Variants in NUTM2D observed in about 807,000 individuals in gnomAD.
NUTM2D encodes the protein NUT family member 2A pseudogene.
A neutral mutation model predicts 43.5 loss-of-function variants in NUTM2D; 2 were observed. The ratio of observed to expected loss-of-function variants is 0.05; its 90% CI spans 0.02 to 0.14. The LOEUF (loss-of-function observed/expected upper bound fraction) is 0.14, where lower values mean the gene tolerates loss of function less well. NUTM2D is among the 10% of genes least tolerant of loss of function. The pLI, the probability that NUTM2D is intolerant of heterozygous loss-of-function variation, is 1.00. For synonymous variants in NUTM2D, 24 were observed against 276.6 expected, an observed-to-expected ratio of 0.09 and a Z score of 9.06; for missense variants, 48 against 668.7, an observed-to-expected ratio of 0.07 and a Z score of 10.24.
At chr10:87,368,466 CT>C (rs1850325067), downstream of NUTM2D, 1 of 33,354 alleles carries the variant, frequency 3.0e-5, no homozygotes, top group African/African-American at 1.3e-4. Flanking sequence ...GGTCACGGCC[CT>C]GGGGGCTGGC....
At chr10:87,367,269 G>A (rs576471158), downstream of NUTM2D, 4 of 1,569,802 alleles carry the variant, frequency 2.5e-6, no homozygotes, top group South Asian at 3.4e-5. Flanking sequence ...GAGGGCAGAG[G>A]AACTGGCAGA....
downstream of NUTM2D, chr10:87,369,496 G>C (rs1397946193): frequency 6.6e-6 from 1 of 151,318 alleles, no homozygotes; most frequent in East Asian, 2.0e-4. Flanking sequence ...TATGTGACTA[G>C]GACAAAGTCC....
downstream of NUTM2D, chr10:87,370,146 C>CT (rs1850341442): frequency 6.6e-6 from 1 of 152,164 alleles, no homozygotes; most frequent in Admixed American, 6.5e-5. Flanking sequence ...TACATCAAAC[C>CT]TTTTTGTTGC....
At chr10:87,367,580 C>G, downstream of NUTM2D, 1 of 518,842 alleles carries the variant, frequency 1.9e-6, no homozygotes, top group Non-Finnish European at 3.4e-6. Context: ...CTGCTTAACC[C>G]TCATCAGGAA....
At chr10:87,365,253 T>C (rs1184571226) in intron 5 of NUTM2D, 50 bp downstream of exon 5, 1 of 1,516,956 alleles carries the variant, frequency 6.6e-7, no homozygotes, top group Non-Finnish European at 8.8e-7. Flanking sequence ...GGGGTGGCAC[T>C]CCCAGGTCCT....
downstream of NUTM2D, chr10:87,369,344 A>G (rs1242448330): frequency 6.6e-6 from 1 of 152,036 alleles, no homozygotes; most frequent in African/African-American, 2.4e-5. Flanking sequence ...GCCATCTGCA[A>G]GCCAGAGAGA....
chr10:87,358,675 C>T, intron 1 of NUTM2D, among the ~76,000 whole-genome samples: 1 of 133,868 alleles, frequency 7.5e-6, no homozygotes, highest in East Asian at 2.1e-4. Flanking sequence ...GGAGAAAGGA[C>T]AGAGTGGATG....
intron 5 of NUTM2D, 145 bp from the exon 6 acceptor site, chr10:87,365,540 GTGTC>G (rs1850287643): frequency 1.9e-6 from 1 of 534,310 alleles, no homozygotes; most frequent in Admixed American, 3.3e-5. Context: ...TCTGTGGTCT[GTGTC>G]TGTAGCTGGT....
chr10:87,364,797 C>T (rs1211505895), intron 4 of NUTM2D, 24 bp from the exon 5 acceptor site: 17 of 449,236 alleles, frequency 3.8e-5, no homozygotes, highest in East Asian at 2.2e-4. Context: ...TCACCACGCC[C>T]GTCCTCCTCC....
At chr10:87,369,583 T>G, downstream of NUTM2D, 1 of 152,120 alleles carries the variant, frequency 6.6e-6, no homozygotes, top group East Asian at 1.9e-4. Flanking sequence ...GGCTCAGCCC[T>G]TTACAACTGT....
chr10:87,365,314 G>C, intron 5 of NUTM2D, 111 bp downstream of exon 5: 2 of 1,573,920 alleles, frequency 1.3e-6, no homozygotes, highest in South Asian at 2.4e-5. Flanking sequence ...TATTTCCAAG[G>C]ATTTGAGTGT....
At chr10:87,370,498 G>A (rs1422093325), downstream of NUTM2D, 3 of 152,102 alleles carry the variant, frequency 2.0e-5, no homozygotes, top group Admixed American at 6.5e-5. Context: ...AGTCATCCTA[G>A]TGGTTCTGAA....
chr10:87,370,019 A>AACTT (rs1168588784), downstream of NUTM2D: 2 of 152,070 alleles, frequency 1.3e-5, no homozygotes, highest in African/African-American at 4.8e-5. Flanking sequence ...CTTTGATTCT[A>AACTT]ACTTCAGCGT....
downstream of NUTM2D, chr10:87,370,380 A>G (rs1850343219): frequency 6.6e-6 from 1 of 152,224 alleles, no homozygotes; most frequent in South Asian, 2.1e-4. Flanking sequence ...AAGGTGCCAG[A>G]CTGTTCCCAG....
Position 87,361,584 on chromosome 10 carries a change from T to C in NUTM2D, c.866+404T>C, listed in dbSNP as rs575998697. Among the ~76,000 whole-genome samples, 11 of 52,932 alleles carry C rather than the reference T, an allele frequency of 2.1e-4. 5 individuals are homozygous for C. Among genetic ancestry groups the C allele is most frequent in the African/African-American group, 6.4e-4 (11 of 17,094 alleles). The allele number at this position is 52,932 out of a possible 152,430, so 34.7% of individuals were successfully genotyped here. A position where few individuals can be genotyped will look rare whatever the true frequency, so the allele number is the denominator to read the frequency against. ...CTCACATGGGGCCGGGGGAAGGAGC[T>C]GCAGGGCCCAGCAGGAACCTGGCAC... On this transcript the variant is annotated intron_variant, in intron 2 of 6. Coordinates refer to ENST00000381697, the MANE Select transcript of NUTM2D (RefSeq NM_001382304.1).
At chr10:87,369,915 C>T (rs1017882729), downstream of NUTM2D, 6 of 152,040 alleles carry the variant, frequency 3.9e-5, no homozygotes, top group African/African-American at 9.7e-5. Context: ...CATCTGACAA[C>T]GTGAGCAAGG....
chr10:87,370,561 C>G (rs1355163325), downstream of NUTM2D: 4 of 152,294 alleles, frequency 2.6e-5, no homozygotes, highest in East Asian at 7.7e-4. Flanking sequence ...GAACCTCTTT[C>G]ACGTACCTAT....
chr10:87,359,800 G>A (rs1850246870), intron 1 of NUTM2D, among the ~76,000 whole-genome samples: 2 of 149,586 alleles, frequency 1.3e-5, no homozygotes, highest in African/African-American at 4.9e-5. Context: ...TGGCAGCCGG[G>A]ACCATCGAGT....
chr10:87,369,746 G>T (rs1281838477), downstream of NUTM2D: 1 of 149,396 alleles, frequency 6.7e-6, no homozygotes, highest in African/African-American at 2.5e-5. Context: ...GGGGTGTGCT[G>T]AGGCTCTTGG....
Sources: allele counts gnomAD v4.1 joint callset (sites outside exome capture counted in the v4.1 genomes callset), GRCh38; gene constraint gnomAD v4.1.1; transcripts MANE v1.5; gene names NCBI Gene and HGNC (gene_info 2026-07-23, HGNC 2026-07-21).